The following PPM1H variants were observed in gnomAD, a reference collection of about 807,000 sequenced individuals.
The protein encoded by PPM1H is protein phosphatase 1H.
PPM1H carries 27 observed loss-of-function variants against 54.9 expected under a neutral mutation model. The ratio of observed to expected loss-of-function variants is 0.49; its 90% CI spans 0.36 to 0.68. The LOEUF is 0.68. PPM1H is among the 30% of genes least tolerant of loss of function. PPM1H has a pLI of 0.00. For missense variants in PPM1H, 596 were observed against 667.8 expected, an observed-to-expected ratio of 0.89 and a Z score of 1.19; for synonymous variants, 305 against 270.8, an observed-to-expected ratio of 1.13 and a Z score of -1.24.
chr12:62,865,353 C>T (rs1869737325), intron 1 of PPM1H, among the ~76,000 whole-genome samples: 1 of 152,134 alleles, frequency 6.6e-6, no homozygotes, highest in Non-Finnish European at 1.5e-5. Context: ...TCCTTCCCTC[C>T]ACCCCATCAC....
At chr12:62,857,724 C>A (rs541365730) in intron 1 of PPM1H, among the ~76,000 whole-genome samples, 1 of 152,230 alleles carries the variant, frequency 6.6e-6, no homozygotes, top group East Asian at 1.9e-4. Context: ...CACTGAAGGT[C>A]CTACTCAACC....
At chr12:62,694,681 T>A (rs2136642418) in intron 6 of PPM1H, among the ~76,000 whole-genome samples, 1 of 152,208 alleles carries the variant, frequency 6.6e-6, no homozygotes, top group South Asian at 2.1e-4. Context: ...ATAACCAAGT[T>A]AAAAAACAAA....
chr12:62,908,422 A>AAAAAAAAAAAAAAAAAAAG (rs1284923713), intron 1 of PPM1H, among the ~76,000 whole-genome samples: 22 of 134,170 alleles, frequency 1.6e-4, no homozygotes, highest in Non-Finnish European at 3.0e-4. Context: ...AAAAAAAAAA[A>AAAAAAAAAAAAAAAAAAAG]AAAGAAAGAA....
intron 9 of PPM1H, among the ~76,000 whole-genome samples, chr12:62,663,037 C>T (rs951002517): frequency 6.6e-6 from 1 of 152,024 alleles, no homozygotes; most frequent in South Asian, 2.1e-4. Flanking sequence ...AGATTCTTCC[C>T]TGTTAATGAG....
At chr12:62,669,921 A>G (rs1290716882) in intron 8 of PPM1H, among the ~76,000 whole-genome samples, 2 of 146,500 alleles carry the variant, frequency 1.4e-5, no homozygotes, top group African/African-American at 2.6e-5. Context: ...CCTGGGTGAC[A>G]GTGAGACCCA....
intron 6 of PPM1H, among the ~76,000 whole-genome samples, chr12:62,713,211 C>G (rs2120431803): frequency 6.6e-6 from 1 of 152,232 alleles, no homozygotes; most frequent in South Asian, 2.1e-4. Flanking sequence ...AAACTCCAGG[C>G]TATAGATGGA....
chr12:62,833,047 T>C (rs1398226433), intron 1 of PPM1H, among the ~76,000 whole-genome samples: 3 of 152,198 alleles, frequency 2.0e-5, no homozygotes, highest in Non-Finnish European at 4.4e-5. Context: ...GACTATAGAC[T>C]CAACTCTTGG....
intron 1 of PPM1H, among the ~76,000 whole-genome samples, chr12:62,901,034 G>C (rs899310256): frequency 6.6e-6 from 1 of 152,140 alleles, no homozygotes; most frequent in Non-Finnish European, 1.5e-5. Context: ...ACAAGCTCTG[G>C]GAACATAGAG....
chr12:62,776,334 CCTGACTA>C (rs2120666014), intron 4 of PPM1H, among the ~76,000 whole-genome samples: 1 of 152,348 alleles, frequency 6.6e-6, no homozygotes, highest in African/African-American at 2.4e-5. Context: ...GCAACCCACC[CCTGACTA>C]CTAAGTCCCT....
At chr12:62,799,884 A>C (rs754430733) in intron 3 of PPM1H, among the ~76,000 whole-genome samples, 2 of 152,124 alleles carry the variant, frequency 1.3e-5, no homozygotes, top group Non-Finnish European at 2.9e-5. Context: ...GCTCTGCTCC[A>C]AGGAGGTCAC....
At chr12:62,727,064 G>A (rs112155945) in intron 5 of PPM1H, among the ~76,000 whole-genome samples, 5 of 151,942 alleles carry the variant, frequency 3.3e-5, no homozygotes, top group Admixed American at 6.6e-5. Context: ...ACAGGCGCCC[G>A]CTACCATGCC....
At chr12:62,855,515 G>T (rs1331243509) in intron 1 of PPM1H, among the ~76,000 whole-genome samples, 2 of 152,130 alleles carry the variant, frequency 1.3e-5, no homozygotes, top group African/African-American at 4.8e-5. Flanking sequence ...AAAGCGCTAA[G>T]GTTTCAATTA....
chr12:62,712,241 G>A (rs1196513008), intron 6 of PPM1H, among the ~76,000 whole-genome samples: 1 of 152,130 alleles, frequency 6.6e-6, no homozygotes, highest in East Asian at 1.9e-4. Flanking sequence ...TGAGGTTTGG[G>A]GTTAAAATTC....
chr12:62,802,391 G>A (rs2076776544), intron 2 of PPM1H, among the ~76,000 whole-genome samples: 1 of 152,282 alleles, frequency 6.6e-6, no homozygotes, highest in Admixed American at 6.5e-5. Flanking sequence ...AGCACCAGAA[G>A]GATGAAGCGG....
rs539309800 is a variant in PPM1H at position 62,737,152 on chromosome 12, C to T, written c.954+350G>A. Reference sequence around the variant, plus strand: ...TCCCTGTTTGAGTTAAAGTGAGTAGCGGGCCATGGAAGAAGGTATCTGTGT... The same window carrying T: ...TCCCTGTTTGAGTTAAAGTGAGTAGTGGGCCATGGAAGAAGGTATCTGTGT... On this transcript the variant is annotated intron_variant, in intron 5 of 9. Coordinates refer to ENST00000228705, the MANE Select transcript of PPM1H (RefSeq NM_020700.2). Among the ~76,000 whole-genome samples the T allele has an allele frequency of 6.7e-5, 10 of 148,756 alleles. No individual in the cohort carries two copies. In the South Asian group the frequency reaches 1.3e-3, roughly 19 times the overall value.
intron 1 of PPM1H, among the ~76,000 whole-genome samples, chr12:62,881,747 T>C (rs535535615): frequency 1.3e-5 from 2 of 152,324 alleles, no homozygotes; most frequent in African/African-American, 4.8e-5. Context: ...ATCTCTTCAA[T>C]AGTTCTCTGA....
intron 1 of PPM1H, among the ~76,000 whole-genome samples, chr12:62,837,285 C>T (rs1868530591): frequency 6.6e-6 from 1 of 152,212 alleles, no homozygotes; most frequent in Non-Finnish European, 1.5e-5. Flanking sequence ...TAGAAAGCAT[C>T]CCTATCACTA....
chr12:62,920,225 C>G (rs1871750120), intron 1 of PPM1H, among the ~76,000 whole-genome samples: 1 of 152,190 alleles, frequency 6.6e-6, no homozygotes, highest in Non-Finnish European at 1.5e-5. Context: ...TACTGTTTGT[C>G]CCAAATGTAT....
intron 1 of PPM1H, among the ~76,000 whole-genome samples, chr12:62,838,075 T>C (rs1002370082): frequency 5.3e-5 from 8 of 152,188 alleles, no homozygotes; most frequent in Middle Eastern, 3.2e-3. Context: ...CCCAAGCTCC[T>C]GGCCTCAGAA....
Sources: allele counts gnomAD v4.1 joint callset (sites outside exome capture counted in the v4.1 genomes callset), GRCh38; gene constraint gnomAD v4.1.1; transcripts MANE v1.5; gene names NCBI Gene and HGNC (gene_info 2026-07-23, HGNC 2026-07-21).